The following CBLN2 variants were observed in gnomAD, a reference collection of about 807,000 sequenced individuals.
CBLN2 encodes the protein cerebellin-2.
A neutral mutation model predicts 15.0 loss-of-function variants in CBLN2; 7 were observed. The observed-to-expected ratio is 0.47, with a 90% confidence interval of 0.27 to 0.88. The LOEUF (loss-of-function observed/expected upper bound fraction) is 0.88. Ranked by LOEUF, CBLN2 falls within the 40% of genes least tolerant of loss-of-function variation. The probability of loss-of-function intolerance (pLI) is 0.14; values close to 1 mark genes in which losing one functional copy is unlikely to be tolerated. For missense variants in CBLN2, 242 were observed against 304.5 expected (o/e 0.79, Z 1.53); for synonymous variants, 149 against 135.2 (o/e 1.10, Z -0.71).
chr18:72,537,751 G>A lies in CBLN2; in HGVS notation c.*425C>T. The stretch of plus-strand genomic sequence containing the variant: ...AACACATGTCAAGGACTGTCCAGCA[G>A]GTGGTTCTTTGCTGGGCTCCTACTT... On this transcript the variant is annotated 3_prime_UTR_variant, in exon 5 of 5. Transcript: ENST00000269503. The A allele has an allele frequency of 3.8e-6, 1 of 263,826 alleles. No homozygotes were observed. Among genetic ancestry groups the A allele is most frequent in the Non-Finnish European group, 7.4e-6 (1 of 135,824 alleles). 16.3% of individuals were successfully genotyped at this position (263,826 alleles called of 1,614,324 possible). A position where few individuals can be genotyped will look rare whatever the true frequency, so the allele number is the denominator to read the frequency against.
intron 1 of CBLN2, among the ~76,000 whole-genome samples, chr18:72,634,133 A>G (rs1218779724): frequency 6.6e-6 from 1 of 152,086 alleles, no homozygotes. Flanking sequence ...GGCATGCACA[A>G]TAAAGGTTTA....
chr18:72,623,574 G>A (rs2069715252), intron 1 of CBLN2, among the ~76,000 whole-genome samples: 2 of 152,150 alleles, frequency 1.3e-5, no homozygotes, highest in African/African-American at 2.4e-5. Flanking sequence ...AGCCCTAAGA[G>A]CTGAAGCCTG....
At position 72,543,175 on chromosome 18, in the gene CBLN2, C is replaced by G. The variant is rs985893475; in HGVS notation, c.-167+311G>C. ...GCAGGTTTCTGCGAACTTACGCGCCCGTCTGCACTTTTGCCCCGTCCCCGC... is the reference window on the plus strand; with the variant it reads ...GCAGGTTTCTGCGAACTTACGCGCCGGTCTGCACTTTTGCCCCGTCCCCGC... On this transcript the variant is annotated intron_variant, in intron 2 of 4. Coordinates refer to ENST00000269503, the MANE Select transcript of CBLN2 (RefSeq NM_182511.4). The surrounding 1 kb of genome is among the most constrained non-coding windows in gnomAD (Gnocchi z 6.8). 2 of 269,340 alleles carry G rather than the reference C, an allele frequency of 7.4e-6. No individual in the cohort carries two copies. The highest frequency in any genetic ancestry group is 6.9e-6 in the Non-Finnish European group (1 of 144,010). The allele number at this position is 269,340 out of a possible 1,614,324, so 16.7% of individuals were successfully genotyped here. A position where few individuals can be genotyped will look rare whatever the true frequency, so the allele number is the denominator to read the frequency against.
At chr18:72,539,034 A>C in intron 3 of CBLN2, 1 of 388,836 alleles carries the variant, frequency 2.6e-6, no homozygotes. Flanking sequence ...GCATTCAAAA[A>C]CTGGCTGTGA....
intron 1 of CBLN2, among the ~76,000 whole-genome samples, chr18:72,550,029 T>C (rs1045260456): frequency 6.6e-6 from 1 of 152,208 alleles, no homozygotes; most frequent in Admixed American, 6.5e-5. Context: ...AGAAAGCCTA[T>C]ACACATATAC....
At chr18:72,600,178 GATCA>G (rs1472046246) in intron 1 of CBLN2, among the ~76,000 whole-genome samples, 2 of 152,200 alleles carry the variant, frequency 1.3e-5, no homozygotes, top group Non-Finnish European at 1.5e-5. Context: ...TGCTACAATA[GATCA>G]ATCATTTGGA....
In CBLN2 at chr18:72,575,360, A is replaced by T. The variant is rs191929353; in HGVS notation, c.16-36588T>A. 2.3e-3 allele frequency among the ~76,000 whole-genome samples: 351 copies of T among 152,256 alleles called. 1 individual carries two copies. Among genetic ancestry groups the T allele is most frequent in the African/African-American group, 8.0e-3 (334 of 41,554 alleles). ...GGATCATCCATGTTAAGACAGGGATATTTTGGACAGAGTGGCAATGAGTCA... is the reference window on the plus strand; with the variant it reads ...GGATCATCCATGTTAAGACAGGGATTTTTTGGACAGAGTGGCAATGAGTCA... On this transcript the variant is annotated intron_variant, in intron 1 of 2. Transcript: ENST00000581073.
chr18:72,627,544 G>A (rs999731927), intron 1 of CBLN2, among the ~76,000 whole-genome samples: 5 of 152,126 alleles, frequency 3.3e-5, no homozygotes, highest in Admixed American at 6.6e-5. Flanking sequence ...CATCTTGATC[G>A]CCATAGTTGG....
At chr18:72,600,642 G>A (rs1440193148) in intron 1 of CBLN2, among the ~76,000 whole-genome samples, 2 of 152,120 alleles carry the variant, frequency 1.3e-5, no homozygotes, top group Admixed American at 1.3e-4. Flanking sequence ...CCACTACACA[G>A]ACAAAATCAA....
intron 1 of CBLN2, among the ~76,000 whole-genome samples, chr18:72,620,792 CT>C (rs1466411206): frequency 2.0e-5 from 3 of 152,166 alleles, no homozygotes; most frequent in Non-Finnish European, 1.5e-5. Flanking sequence ...CTTCCAACAA[CT>C]TTTGATATTT....
chr18:72,580,060 A>G (rs654316), intron 1 of CBLN2, among the ~76,000 whole-genome samples: 137,635 of 151,798 alleles, frequency 0.91, 62,527 homozygotes, highest in Middle Eastern at 0.97. Context: ...AGATATGATT[A>G]TAGCAGTGCA....
chr18:72,606,346 A>G (rs1337564704), intron 1 of CBLN2, among the ~76,000 whole-genome samples: 1 of 152,186 alleles, frequency 6.6e-6, no homozygotes, highest in Non-Finnish European at 1.5e-5. Context: ...ACAGATTGGC[A>G]TATTAACCAA....
chr18:72,618,395 G>A, intron 1 of CBLN2: 1 of 563,782 alleles, frequency 1.8e-6, no homozygotes, highest in Non-Finnish European at 3.3e-6. Flanking sequence ...TCACAGACTA[G>A]GCGGTCTTGA....
intron 1 of CBLN2, among the ~76,000 whole-genome samples, chr18:72,569,452 G>T (rs1253533089): frequency 1.3e-5 from 2 of 152,086 alleles, no homozygotes; most frequent in Non-Finnish European, 2.9e-5. Flanking sequence ...AAATTATTTT[G>T]ATTTAATATA....
chr18:72,601,527 T>C (rs2069548205), intron 1 of CBLN2, among the ~76,000 whole-genome samples: 1 of 151,740 alleles, frequency 6.6e-6, no homozygotes, highest in African/African-American at 2.4e-5. Flanking sequence ...AATAAAGGAG[T>C]GGAGGCGCCT....
chr18:72,585,770 C>T (rs2069438537), intron 1 of CBLN2, among the ~76,000 whole-genome samples: 1 of 152,230 alleles, frequency 6.6e-6, no homozygotes, highest in South Asian at 2.1e-4. Context: ...CACCTGAAGA[C>T]ACATGCCAAG....
chr18:72,567,112 C>A (rs564683101), intron 1 of CBLN2, among the ~76,000 whole-genome samples: 1 of 152,204 alleles, frequency 6.6e-6, no homozygotes, highest in African/African-American at 2.4e-5. Context: ...CAGGAGGCAC[C>A]GCGCCTGGCC....
chr18:72,554,256 G>A (rs888526742), intron 1 of CBLN2, among the ~76,000 whole-genome samples: 3 of 151,496 alleles, frequency 2.0e-5, no homozygotes, highest in African/African-American at 7.3e-5. Flanking sequence ...AATCTATTAT[G>A]CCTGATTTAC....
chr18:72,593,500 T>C (rs1014407332), intron 1 of CBLN2, among the ~76,000 whole-genome samples: 4 of 152,212 alleles, frequency 2.6e-5, no homozygotes, highest in Non-Finnish European at 5.9e-5. Context: ...ATGTACTCTG[T>C]TTCTTTCTCT....
Sources: allele counts gnomAD v4.1 joint callset (sites outside exome capture counted in the v4.1 genomes callset), GRCh38; gene constraint gnomAD v4.1.1; non-coding constraint Gnocchi (gnomAD v3.1); transcripts MANE v1.5; gene names NCBI Gene and HGNC (gene_info 2026-07-23, HGNC 2026-07-21).